Variants in AGBL1 observed in about 807,000 individuals in gnomAD.
AGBL1 encodes AGBL carboxypeptidase 1, also known as cytosolic carboxypeptidase 4.
Under a neutral mutation model 118.9 loss-of-function variants are expected in AGBL1, and 130 were observed. The ratio of observed to expected loss-of-function variants is 1.09; its 90% CI spans 0.95 to 1.26. The LOEUF is 1.26. AGBL1 is among the 50% of genes most tolerant of loss of function. The pLI, the probability that AGBL1 is intolerant of heterozygous loss-of-function variation, is 0.00. For synonymous variants in AGBL1, 555 were observed against 478.9 expected, an observed-to-expected ratio of 1.16 and a Z score of -2.08; for missense variants, 1,584 against 1,298.1, an observed-to-expected ratio of 1.22 and a Z score of -3.38.
rs183403045 is a variant in AGBL1 at position 86,867,704 on chromosome 15, C to A, written c.3159-39383C>A. Among the ~76,000 whole-genome samples the A allele has an allele frequency of 6.2e-4, 95 of 152,138 alleles. 1 individual carries two copies. The highest frequency in any genetic ancestry group is 2.2e-3 in the African/African-American group (91 of 41,500). ...TTAGGCTCAATTTTATTGTTCATGGCACTGTGCAAAAATAAATAGACATTT... is the reference window on the plus strand; with the variant it reads ...TTAGGCTCAATTTTATTGTTCATGGAACTGTGCAAAAATAAATAGACATTT... On this transcript the variant is annotated intron_variant, in intron 22 of 22. Coordinates refer to ENST00000614907, the MANE Select transcript of AGBL1 (RefSeq NM_001386094.1).
At chr15:86,528,262 G>A (rs553165479) in intron 19 of AGBL1, among the ~76,000 whole-genome samples, 8 of 152,332 alleles carry the variant, frequency 5.3e-5, no homozygotes, top group Middle Eastern at 3.4e-3. Context: ...CACCGGGCGC[G>A]AACCGAAGCA....
chr15:86,326,109 A>C (rs969188271), intron 17 of AGBL1, among the ~76,000 whole-genome samples: 1 of 152,118 alleles, frequency 6.6e-6, no homozygotes, highest in Non-Finnish European at 1.5e-5. Context: ...TCCAATTCTC[A>C]TTCATTCTCT....
At chr15:86,865,195 T>C (rs775064132) in intron 22 of AGBL1, among the ~76,000 whole-genome samples, 46 of 152,220 alleles carry the variant, frequency 3.0e-4, no homozygotes, top group Non-Finnish European at 5.6e-4. Context: ...TAGGAAATGC[T>C]TGCAGATACA....
Position 86,845,221 on chromosome 15 carries a change from G to A in AGBL1, c.3159-61866G>A, listed in dbSNP as rs765582483. On this transcript the variant is annotated intron_variant, in intron 22 of 22. Transcript: ENST00000614907. ...TTGAGATTATGATATATATCACTTC[G>A]AATGTATAAATCAGTTTGAGGAAAA... Among the ~76,000 whole-genome samples, 11 of 151,930 alleles carry A rather than the reference G, an allele frequency of 7.2e-5. 1 individual carries two copies. The highest frequency in any genetic ancestry group is 3.8e-4 in the East Asian group (2 of 5,200).
chr15:86,951,949 C>T (rs2080884468), intron 23 of AGBL1, among the ~76,000 whole-genome samples: 1 of 152,064 alleles, frequency 6.6e-6, no homozygotes, highest in Non-Finnish European at 1.5e-5. Flanking sequence ...ATAGTCACTC[C>T]TGGCTGGGCA....
At chr15:86,374,425 G>C (rs138283016) in intron 17 of AGBL1, among the ~76,000 whole-genome samples, 2 of 152,334 alleles carry the variant, frequency 1.3e-5, no homozygotes, top group African/African-American at 4.8e-5. Flanking sequence ...ATATGAAGGA[G>C]ATGATGAGAA....
rs144551140 is a variant in AGBL1, at chr15:86,092,669, G to C, written c.51+12646G>C. Among the ~76,000 whole-genome samples, 355 of 152,066 alleles carry C rather than the reference G, an allele frequency of 2.3e-3. 4 individuals carry two copies. Among genetic ancestry groups the C allele is most frequent in the African/African-American group, 8.2e-3 (340 of 41,480 alleles). ...ATTTAAAATGAACGGAAATTTATTG[G>C]CTCATAGTTCTAGAGCCTGGGAATT... On this transcript the variant is annotated intron_variant, in intron 1 of 22. Transcript: ENST00000614907.
At chr15:86,919,118 CA>C (rs1237729276), downstream of AGBL1, among the ~76,000 whole-genome samples, 3 of 152,186 alleles carry the variant, frequency 2.0e-5, no homozygotes, top group African/African-American at 4.8e-5. Context: ...AAGTGATACT[CA>C]GTTTACTTTA....
intron 1 of AGBL1, among the ~76,000 whole-genome samples, chr15:86,141,380 G>A (rs994065967): frequency 6.6e-6 from 1 of 152,198 alleles, no homozygotes; most frequent in African/African-American, 2.4e-5. Flanking sequence ...AAGCCGGCCG[G>A]GTGTGGTGGC....
chr15:86,469,970 G>A (rs552764729), intron 18 of AGBL1, among the ~76,000 whole-genome samples: 3 of 152,192 alleles, frequency 2.0e-5, no homozygotes, highest in East Asian at 1.9e-4. Flanking sequence ...TATTTTGGAT[G>A]TTAGCCCCTT....
intron 24 of AGBL1, among the ~76,000 whole-genome samples, chr15:87,003,996 G>C (rs2081469662): frequency 6.6e-6 from 1 of 151,884 alleles, no homozygotes; most frequent in Admixed American, 6.6e-5. Flanking sequence ...GTTATTTCTT[G>C]CCTTCTGCTA....
intron 22 of AGBL1, among the ~76,000 whole-genome samples, chr15:86,716,757 C>T (rs192022065): frequency 6.6e-6 from 1 of 152,100 alleles, no homozygotes; most frequent in Non-Finnish European, 1.5e-5. Flanking sequence ...ATGCATAAAC[C>T]AAATTTATTT....
At chr15:86,134,704 C>T (rs182439608) in intron 1 of AGBL1, among the ~76,000 whole-genome samples, 1,905 of 147,062 alleles carry the variant, frequency 0.013, 24 homozygotes, top group East Asian at 0.062. Flanking sequence ...ACGTCTGCCA[C>T]CCAGGTTCAA....
chr15:86,254,149 C>T (rs977246654), intron 7 of AGBL1, among the ~76,000 whole-genome samples: 2 of 152,216 alleles, frequency 1.3e-5, no homozygotes, highest in Admixed American at 6.5e-5. Context: ...GGACTCTGCT[C>T]TGCGTAGCAG....
At chr15:86,213,774 A>T (rs913357262) in intron 5 of AGBL1, among the ~76,000 whole-genome samples, 1 of 152,136 alleles carries the variant, frequency 6.6e-6, no homozygotes, top group Non-Finnish European at 1.5e-5. Context: ...CATAACCTAA[A>T]ATTTGCCGTT....
intron 18 of AGBL1, among the ~76,000 whole-genome samples, chr15:86,413,784 G>A (rs2081653703): frequency 6.6e-6 from 1 of 151,966 alleles, no homozygotes; most frequent in African/African-American, 2.4e-5. Flanking sequence ...TCCCTTTTCG[G>A]ATGGATAGTT....
At chr15:86,228,245 T>G (rs1188884259) in intron 6 of AGBL1, among the ~76,000 whole-genome samples, 6 of 152,308 alleles carry the variant, frequency 3.9e-5, no homozygotes, top group African/African-American at 1.2e-4. Flanking sequence ...TCAGCCGAAC[T>G]TAAATTCAGG....
intron 22 of AGBL1, among the ~76,000 whole-genome samples, chr15:86,706,004 G>C (rs959707523): frequency 1.3e-5 from 2 of 151,926 alleles, no homozygotes; most frequent in African/African-American, 4.8e-5. Flanking sequence ...AGTTTTTTAA[G>C]TACCAAATGC....
intron 22 of AGBL1, among the ~76,000 whole-genome samples, chr15:86,747,881 A>G (rs908832686): frequency 1.3e-5 from 2 of 152,070 alleles, no homozygotes; most frequent in Admixed American, 1.3e-4. Flanking sequence ...TCTATCGTTG[A>G]TGGACATTTG....
Sources: gnomAD v4.1 joint callset for allele counts (sites outside exome capture counted in the v4.1 genomes callset) on GRCh38, gnomAD v4.1.1 for gene constraint, MANE v1.5 for transcripts, NCBI Gene and HGNC (gene_info 2026-07-23, HGNC 2026-07-21) for gene names.